SNTB1: variants seen among roughly 807,000 people sequenced by gnomAD.
SNTB1 encodes the protein beta-1-syntrophin.
In SNTB1, 36 loss-of-function variants were observed where a neutral mutation model predicts 48.9. The observed-to-expected ratio is 0.74, with a 90% CI of 0.56 to 0.97. The LOEUF (loss-of-function observed/expected upper bound fraction) is 0.97. Ranked by LOEUF, SNTB1 falls within the 50% of genes least tolerant of loss-of-function variation. The pLI is 0.00. For synonymous variants in SNTB1, 299 were observed against 294.6 expected, an observed-to-expected ratio of 1.01 and a Z score of -0.15; for missense variants, 786 against 703.4, an observed-to-expected ratio of 1.12 and a Z score of -1.33.
chr8:120,774,131 T>C (rs1819689964), intron 1 of SNTB1, among the ~76,000 whole-genome samples: 1 of 152,252 alleles, frequency 6.6e-6, no homozygotes. Context: ...GGGAGGATGA[T>C]GCAACCAACT....
At chr8:120,712,206 A>G (rs1215324190) in intron 1 of SNTB1, among the ~76,000 whole-genome samples, 1 of 152,028 alleles carries the variant, frequency 6.6e-6, no homozygotes. Context: ...TGAGGTCAGG[A>G]GATCGAGACC....
chr8:120,613,724 G>A (rs941472420), intron 3 of SNTB1, among the ~76,000 whole-genome samples: 5 of 152,142 alleles, frequency 3.3e-5, no homozygotes, highest in East Asian at 1.9e-4. Context: ...CCATGTATCC[G>A]GTAGTGGTTA....
At chr8:120,636,186 G>A in intron 2 of SNTB1, 1 of 189,150 alleles carries the variant, frequency 5.3e-6, no homozygotes, top group Non-Finnish European at 1.1e-5. Flanking sequence ...GGCAGCACAG[G>A]GCATCACATG....
chr8:120,717,062 C>T (rs1020290233), intron 1 of SNTB1, among the ~76,000 whole-genome samples: 2 of 152,180 alleles, frequency 1.3e-5, no homozygotes, highest in Non-Finnish European at 2.9e-5. Context: ...TCATCACGCT[C>T]CAGGCATTCT....
intron 1 of SNTB1, 50 bp downstream of exon 1, chr8:120,811,223 G>C (rs749465514): frequency 6.5e-7 from 1 of 1,536,824 alleles, no homozygotes; most frequent in Non-Finnish European, 8.7e-7. Flanking sequence ...GTGGGAAGCC[G>C]AGCAGGTGTG....
intron 1 of SNTB1, among the ~76,000 whole-genome samples, chr8:120,774,621 AG>A (rs1283321452): frequency 6.6e-6 from 1 of 152,060 alleles, no homozygotes; most frequent in Non-Finnish European, 1.5e-5. Flanking sequence ...AAACCAAAGA[AG>A]AGGAGGGTTT....
At chr8:120,577,174 T>G (rs1815964927) in intron 3 of SNTB1, among the ~76,000 whole-genome samples, 1 of 152,236 alleles carries the variant, frequency 6.6e-6, no homozygotes, top group Non-Finnish European at 1.5e-5. Flanking sequence ...AAGAACTCAT[T>G]GCTTGATGAT....
At chr8:120,676,498 T>A (rs754284381) in intron 2 of SNTB1, among the ~76,000 whole-genome samples, 1 of 152,220 alleles carries the variant, frequency 6.6e-6, no homozygotes, top group African/African-American at 2.4e-5. Flanking sequence ...CACTACAACT[T>A]GCAGACTGCT....
chr8:120,744,753 G>T (rs1254538893), intron 1 of SNTB1, among the ~76,000 whole-genome samples: 4 of 152,112 alleles, frequency 2.6e-5, no homozygotes, highest in African/African-American at 9.7e-5. Flanking sequence ...AATCACATTT[G>T]TATGATTTGT....
chr8:120,643,824 C>T (rs566753763), intron 2 of SNTB1, among the ~76,000 whole-genome samples: 108 of 152,306 alleles, frequency 7.1e-4, no homozygotes, highest in African/African-American at 2.6e-3. Flanking sequence ...ACTTATAGTT[C>T]TTTAAGGAAC....
At chr8:120,756,805 C>T (rs919776959) in intron 1 of SNTB1, among the ~76,000 whole-genome samples, 1 of 152,070 alleles carries the variant, frequency 6.6e-6, no homozygotes, top group South Asian at 2.1e-4. Flanking sequence ...AGAGAAAAGC[C>T]ACTGCTACAT....
At chr8:120,706,906 A>G (rs1818385995) in intron 1 of SNTB1, among the ~76,000 whole-genome samples, 1 of 152,096 alleles carries the variant, frequency 6.6e-6, no homozygotes, top group Non-Finnish European at 1.5e-5. Flanking sequence ...AGTAAACTAA[A>G]TATCATTACC....
intron 4 of SNTB1, among the ~76,000 whole-genome samples, chr8:120,552,387 T>TAGACAGAGTCACCC (rs1476859445): frequency 6.6e-6 from 1 of 151,526 alleles, no homozygotes; most frequent in Non-Finnish European, 1.5e-5. Context: ...TTTATTTATT[T>TAGACAGAGTCACCC]AGACAGAGTC....
At chr8:120,644,088 A>G (rs1417817588) in intron 2 of SNTB1, among the ~76,000 whole-genome samples, 1 of 152,112 alleles carries the variant, frequency 6.6e-6, no homozygotes, top group African/African-American at 2.4e-5. Context: ...GCAAATGTAG[A>G]GGGAGAGTTT....
chr8:120,564,150 A>C (rs114972591), intron 4 of SNTB1, among the ~76,000 whole-genome samples: 2,443 of 152,094 alleles, frequency 0.016, 66 homozygotes, highest in African/African-American at 0.057. Flanking sequence ...TAGGTCATTG[A>C]ATGGCATTGT....
intron 1 of SNTB1, among the ~76,000 whole-genome samples, chr8:120,787,076 A>G (rs1304920747): frequency 6.6e-6 from 1 of 152,250 alleles, no homozygotes; most frequent in Non-Finnish European, 1.5e-5. Context: ...ACAGCATCTG[A>G]GAAAGCCATT....
intron 1 of SNTB1, among the ~76,000 whole-genome samples, chr8:120,759,697 C>T (rs934071048): frequency 2.0e-5 from 3 of 152,172 alleles, no homozygotes; most frequent in Non-Finnish European, 4.4e-5. Context: ...ATAGGATGAG[C>T]TCCAATGACT....
chr8:120,809,769 AATC>A (rs1212943110), intron 1 of SNTB1, among the ~76,000 whole-genome samples: 18 of 152,186 alleles, frequency 1.2e-4, no homozygotes, highest in African/African-American at 4.3e-4. Context: ...CTGTTATGTT[AATC>A]ATCAAGCCAA....
At position 120,614,978 on chromosome 8, in the gene SNTB1, A is replaced by G. The variant is rs1816688876; in HGVS notation, c.996+17466T>C. On this transcript the variant is annotated intron_variant, in intron 3 of 6. Transcript: ENST00000517992. ...ACATGGTGAAATCTCACCTCTACTA[A>G]AAAAAAAAAAAAAAAAAAAAAAATT... Among the ~76,000 whole-genome samples, 3 of 117,388 alleles carry G rather than the reference A, an allele frequency of 2.6e-5. No homozygotes were observed. In the Admixed American group the frequency reaches 3.3e-4, roughly 13 times the overall value. The allele number at this position is 117,388 out of a possible 152,430, so 77.0% of individuals were successfully genotyped here.
Sources: gnomAD v4.1 joint callset for allele counts (sites outside exome capture counted in the v4.1 genomes callset) on GRCh38, gnomAD v4.1.1 for gene constraint, MANE v1.5 for transcripts, NCBI Gene and HGNC (gene_info 2026-07-23, HGNC 2026-07-21) for gene names.